Variants in ZBTB7C observed in about 807,000 individuals in gnomAD.
ZBTB7C encodes the protein zinc finger and BTB domain-containing protein 7C.
A neutral mutation model predicts 25.7 loss-of-function variants in ZBTB7C; 8 were observed. The ratio of observed to expected loss-of-function variants is 0.31; its 90% CI spans 0.18 to 0.56. ZBTB7C has a LOEUF of 0.56. Ranked by LOEUF, ZBTB7C falls within the 20% of genes least tolerant of loss-of-function variation. ZBTB7C has a pLI of 0.91. For missense variants in ZBTB7C, 824 were observed against 855.2 expected (o/e 0.96, Z 0.46); for synonymous variants, 394 against 369.0 (o/e 1.07, Z -0.78).
intron 1 of ZBTB7C, among the ~76,000 whole-genome samples, chr18:48,387,681 A>T (rs1237425510): frequency 1.3e-5 from 2 of 152,190 alleles, no homozygotes; most frequent in East Asian, 3.8e-4. Context: ...GGGCACTATA[A>T]CCTGCATGCA....
At chr18:48,264,943 G>A (rs1333086842) in intron 2 of ZBTB7C, among the ~76,000 whole-genome samples, 1 of 152,210 alleles carries the variant, frequency 6.6e-6, no homozygotes, top group Non-Finnish European at 1.5e-5. Context: ...AGACAGAATG[G>A]TTATGCCACT....
chr18:48,068,427 C>T (rs1464524758), intron 3 of ZBTB7C, among the ~76,000 whole-genome samples: 1 of 152,048 alleles, frequency 6.6e-6, no homozygotes, highest in African/African-American at 2.4e-5. Flanking sequence ...ATGTGAGCCA[C>T]CGCACCTGGC....
At chr18:48,367,242 C>CACAT (rs1361981169) in intron 1 of ZBTB7C, among the ~76,000 whole-genome samples, 2 of 127,024 alleles carry the variant, frequency 1.6e-5, no homozygotes, top group African/African-American at 5.8e-5. Context: ...CATACATACA[C>CACAT]ACACACACAC....
chr18:48,122,152 T>C (rs549102826), intron 3 of ZBTB7C, among the ~76,000 whole-genome samples: 6 of 152,300 alleles, frequency 3.9e-5, no homozygotes, highest in Admixed American at 2.0e-4. Context: ...AACTGAGATC[T>C]TCTTGGACCA....
At chr18:48,369,654 G>A (rs531602010) in intron 1 of ZBTB7C, among the ~76,000 whole-genome samples, 66 of 152,194 alleles carry the variant, frequency 4.3e-4, no homozygotes, top group African/African-American at 1.5e-3. Flanking sequence ...GAGACAGAGA[G>A]GGATATTGTA....
At chr18:48,070,629 C>T (rs2144393975) in intron 3 of ZBTB7C, among the ~76,000 whole-genome samples, 1 of 152,338 alleles carries the variant, frequency 6.6e-6, no homozygotes, top group South Asian at 2.1e-4. Flanking sequence ...CCGTAGTTTG[C>T]ATCCACACTC....
intron 2 of ZBTB7C, among the ~76,000 whole-genome samples, chr18:48,227,054 A>G (rs1236843697): frequency 1.3e-5 from 2 of 151,730 alleles, no homozygotes; most frequent in African/African-American, 4.8e-5. Flanking sequence ...AGAAAAAGAA[A>G]AAAAAAAGAG....
At chr18:48,051,563 G>A (rs1454716861) in intron 3 of ZBTB7C, among the ~76,000 whole-genome samples, 2 of 122,772 alleles carry the variant, frequency 1.6e-5, no homozygotes, top group African/African-American at 5.5e-5. Flanking sequence ...TGACAGATGA[G>A]GAAACTAAAG....
intron 2 of ZBTB7C, among the ~76,000 whole-genome samples, chr18:48,302,051 G>A (rs59708579): frequency 0.017 from 2,598 of 152,238 alleles, 73 homozygotes; most frequent in African/African-American, 0.059. Context: ...CCAGCCCCAC[G>A]ATGTCTGCAA....
At position 48,172,904 on chromosome 18, in the gene ZBTB7C, G is replaced by C. The variant is rs528818099; in HGVS notation, c.-17+13030C>G. 3.2e-4 allele frequency among the ~76,000 whole-genome samples: 48 copies of C among 152,326 alleles called. No homozygotes were observed. The South Asian group carries it at 9.3e-3, about 30-fold the overall frequency. ...ACAGAGGAGCACAGGCACTGTCTAG[G>C]GGGTGGTGGGAGGGGACTGTGGGGT... is the stretch of plus-strand genomic sequence containing the variant. On this transcript the variant is annotated intron_variant, in intron 3 of 4. Coordinates refer to ENST00000590800, the MANE Select transcript of ZBTB7C (RefSeq NM_001318841.2).
intron 1 of ZBTB7C, among the ~76,000 whole-genome samples, chr18:48,374,626 C>T (rs967829826): frequency 6.6e-6 from 1 of 152,242 alleles, no homozygotes; most frequent in Non-Finnish European, 1.5e-5. Context: ...TTCCACTGAG[C>T]CTCTTATCTG....
At chr18:48,091,785 C>T (rs1006079857) in intron 3 of ZBTB7C, among the ~76,000 whole-genome samples, 1 of 152,152 alleles carries the variant, frequency 6.6e-6, no homozygotes, top group Admixed American at 6.5e-5. Flanking sequence ...CCCATCTCAC[C>T]CACTGTGGGT....
chr18:48,058,285 G>A (rs2036994552), intron 3 of ZBTB7C, among the ~76,000 whole-genome samples: 1 of 152,252 alleles, frequency 6.6e-6, no homozygotes, highest in African/African-American at 2.4e-5. Context: ...AAGGGGCTGA[G>A]CTTCCCCACT....
intron 3 of ZBTB7C, among the ~76,000 whole-genome samples, chr18:48,128,661 G>A (rs541123537): frequency 2.6e-5 from 4 of 152,126 alleles, no homozygotes; most frequent in Non-Finnish European, 5.9e-5. Flanking sequence ...CGATGGGTAC[G>A]CAAAGGCATA....
intron 1 of ZBTB7C, among the ~76,000 whole-genome samples, chr18:48,406,178 C>G (rs2048277153): frequency 6.6e-6 from 1 of 152,170 alleles, no homozygotes; most frequent in Non-Finnish European, 1.5e-5. Context: ...CCTTCCGCGC[C>G]CAAGTTCCCA....
chr18:48,296,959 C>T lies in ZBTB7C; in HGVS notation c.-79+41215G>A, dbSNP rs1346481598. Reference sequence around the variant, plus strand: ...CTCTACTAAAAGCACAAAAATTAGCCGGGTATGGTGACACACACCTGTAGT... The same window carrying T: ...CTCTACTAAAAGCACAAAAATTAGCTGGGTATGGTGACACACACCTGTAGT... On this transcript the variant is annotated intron_variant, in intron 2 of 4. Transcript: ENST00000590800. Among the ~76,000 whole-genome samples, 3 of 152,156 alleles carry T rather than the reference C, an allele frequency of 2.0e-5. No homozygotes were observed. In the East Asian group the frequency reaches 5.8e-4, roughly 29 times the overall value.
At chr18:48,215,399 C>T (rs115777023) in intron 2 of ZBTB7C, among the ~76,000 whole-genome samples, 332 of 152,310 alleles carry the variant, frequency 2.2e-3, no homozygotes, top group African/African-American at 7.6e-3. Flanking sequence ...GGTTGGGTTA[C>T]AGCTTGGTTT....
chr18:48,314,069 A>G (rs2045888198), intron 2 of ZBTB7C, among the ~76,000 whole-genome samples: 1 of 152,216 alleles, frequency 6.6e-6, no homozygotes, highest in African/African-American at 2.4e-5. Context: ...TACAGGCTGC[A>G]AAACGGTAAG....
intron 1 of ZBTB7C, among the ~76,000 whole-genome samples, chr18:48,344,049 A>G (rs904979741): frequency 6.6e-6 from 1 of 152,092 alleles, no homozygotes; most frequent in Non-Finnish European, 1.5e-5. Context: ...CAGTGGCACG[A>G]TCTCGGCTCA....
Sources: allele counts gnomAD v4.1 joint callset (sites outside exome capture counted in the v4.1 genomes callset), GRCh38; gene constraint gnomAD v4.1.1; transcripts MANE v1.5; gene names NCBI Gene and HGNC (gene_info 2026-07-23, HGNC 2026-07-21).